The following NODAL variants were observed in gnomAD, a reference collection of about 807,000 sequenced individuals.
The protein encoded by NODAL is nodal growth differentiation factor, also known as nodal homolog.
A neutral mutation model predicts 34.0 loss-of-function variants in NODAL; 12 were observed. That is an observed-to-expected ratio of 0.35 (90% CI 0.23 to 0.57). NODAL has a LOEUF of 0.57. Ranked by LOEUF, NODAL falls within the 20% of genes least tolerant of loss-of-function variation. The pLI is 0.83. For missense variants in NODAL, 390 were observed against 444.2 expected (o/e 0.88, Z 1.10); for synonymous variants, 162 against 186.4 (o/e 0.87, Z 1.07).
chr10:70,441,761 G>A, upstream of NODAL: 2 of 1,353,282 alleles, frequency 1.5e-6, no homozygotes, highest in Non-Finnish European at 2.0e-6. Context: ...CTCTGGGGAA[G>A]CTTTAAGATC....
intron 1 of NODAL, among the ~76,000 whole-genome samples, chr10:70,440,500 T>C (rs1845413722): frequency 6.6e-6 from 1 of 151,960 alleles, no homozygotes; most frequent in Non-Finnish European, 1.5e-5. Context: ...GCAGGTCGGA[T>C]CAGATTAGCG....
chr10:70,436,119 T>C (rs1845350544), intron 1 of NODAL, 136 bp from the exon 2 acceptor site: 3 of 750,852 alleles, frequency 4.0e-6, no homozygotes, highest in Admixed American at 2.1e-5. Flanking sequence ...ACCCCAACTC[T>C]ATGAGTTGGT....
intron 2 of NODAL, 180 bp downstream of exon 2, chr10:70,435,106 C>T: frequency 1.6e-6 from 1 of 630,036 alleles, no homozygotes. Flanking sequence ...CATACAGGCT[C>T]TATAAGGATG....
chr10:70,440,633 C>CCGCAG (rs1845418289), intron 1 of NODAL, among the ~76,000 whole-genome samples: 1 of 152,202 alleles, frequency 6.6e-6, no homozygotes, highest in African/African-American at 2.4e-5. Context: ...GGCTCCCTCT[C>CCGCAG]CGCAGCACCC....
upstream of NODAL, among the ~76,000 whole-genome samples, chr10:70,443,872 C>T (rs993520024): frequency 3.3e-5 from 5 of 150,498 alleles, no homozygotes; most frequent in Non-Finnish European, 7.4e-5. Flanking sequence ...GTGAATGGCA[C>T]TATGTCTGAA....
chr10:70,447,131 T>G (rs564994999), intron 1 of NODAL, among the ~76,000 whole-genome samples: 6 of 148,320 alleles, frequency 4.0e-5, no homozygotes, highest in Non-Finnish European at 7.4e-5. Context: ...TGGGGTGCAG[T>G]GGCATGATCT....
chr10:70,442,833 C>T (rs28438617), upstream of NODAL, among the ~76,000 whole-genome samples: 918 of 152,232 alleles, frequency 6.0e-3, 11 homozygotes, highest in African/African-American at 0.021. Flanking sequence ...CCTGTAATTT[C>T]AGCACTTAGG....
At chr10:70,433,719 AT>A (rs1339232056) in intron 2 of NODAL, among the ~76,000 whole-genome samples, 1 of 152,168 alleles carries the variant, frequency 6.6e-6, no homozygotes, top group Non-Finnish European at 1.5e-5. Flanking sequence ...CCGGCTGTGA[AT>A]ACCAATTTTT....
chr10:70,441,729 G>A (rs1478339072), upstream of NODAL: 31 of 1,497,434 alleles, frequency 2.1e-5, no homozygotes, highest in Non-Finnish European at 2.7e-5. Context: ...CTCAGCAGCC[G>A]CCCCGCCCCC....
chr10:70,434,356 C>T (rs1157357244), intron 2 of NODAL, among the ~76,000 whole-genome samples: 2 of 152,122 alleles, frequency 1.3e-5, no homozygotes, highest in Non-Finnish European at 2.9e-5. Context: ...CAGCCTCTGG[C>T]TTTGTCTACT....
At position 70,432,557 on chromosome 10, in the gene NODAL, A is replaced by G. The variant is rs1190753731; in HGVS notation, c.*379T>C. ...ATACATGAAAGCTATAGGTGACTTC[A>G]TCCCACCTCCAAAATACATGCACAT... is the stretch of plus-strand genomic sequence containing the variant. On this transcript the variant is annotated 3_prime_UTR_variant, in exon 3 of 3. Coordinates refer to ENST00000287139, the MANE Select transcript of NODAL (RefSeq NM_018055.5). 2.9e-6 allele frequency: 1 copy of G among 344,000 alleles called. No homozygotes were observed. The highest frequency in any genetic ancestry group is 7.3e-5 in the East Asian group (1 of 13,630). The allele number at this position is 344,000 out of a possible 1,614,324, so 21.3% of individuals were successfully genotyped here.
chr10:70,437,476 C>G (rs964961781), intron 1 of NODAL, among the ~76,000 whole-genome samples: 1 of 152,192 alleles, frequency 6.6e-6, no homozygotes, highest in Non-Finnish European at 1.5e-5. Flanking sequence ...AATGAACTTT[C>G]TTCAAGCTCA....
At chr10:70,434,041 G>GT (rs1438789821) in intron 2 of NODAL, among the ~76,000 whole-genome samples, 1 of 152,120 alleles carries the variant, frequency 6.6e-6, no homozygotes, top group Non-Finnish European at 1.5e-5. Flanking sequence ...TACCCCCAGG[G>GT]ACTCCCTTGC....
At chr10:70,444,026 C>T (rs1250217115), upstream of NODAL, among the ~76,000 whole-genome samples, 1 of 150,614 alleles carries the variant, frequency 6.6e-6, no homozygotes, top group Non-Finnish European at 1.5e-5. Flanking sequence ...TCTGCCTCCC[C>T]GGTTCAAGCA....
upstream of NODAL, among the ~76,000 whole-genome samples, chr10:70,446,600 G>C (rs978252168): frequency 1.3e-5 from 2 of 152,210 alleles, no homozygotes; most frequent in South Asian, 2.1e-4. Context: ...GGCTGACTTA[G>C]AGCTAGATTC....
chr10:70,433,025 T>C lies in NODAL; in HGVS notation c.955A>G (p.Lys319Glu). The C allele has an allele frequency of 1.2e-6, 2 of 1,614,086 alleles. No homozygotes were observed. Among genetic ancestry groups the C allele is most frequent in the Non-Finnish European group, 1.7e-6 (2 of 1,180,018 alleles). Reference sequence around the variant, plus strand: ...TCCACATACAGCATGCTCAGCGGCTTGGTCTTCACTGGGGCACAACAAGTG... The same window carrying C: ...TCCACATACAGCATGCTCAGCGGCTCGGTCTTCACTGGGGCACAACAAGTG... ...PSTCCAPVKTKPLSMLYVDNG... is the reference protein window; with the variant it reads ...PSTCCAPVKTEPLSMLYVDNG... The change falls in exon 3 of 3, where the codon AAG becomes GAG. Residue 319 changes from lysine (K) to glutamate (E), a missense_variant. Transcript: ENST00000287139.
intron 1 of NODAL, among the ~76,000 whole-genome samples, chr10:70,438,985 CCCTGATGTCCT>C (rs999169472): frequency 7.9e-5 from 12 of 152,144 alleles, no homozygotes; most frequent in African/African-American, 2.9e-4. Flanking sequence ...ACACAGATGC[CCCTGATGTCCT>C]CCTGGCCCAC....
intron 1 of NODAL, among the ~76,000 whole-genome samples, chr10:70,440,616 C>A (rs1207211252): frequency 1.3e-5 from 2 of 152,172 alleles, no homozygotes; most frequent in African/African-American, 4.8e-5. Flanking sequence ...GATTGAGGCG[C>A]GGAAGGGGCT....
At chr10:70,434,445 C>T (rs2132213865) in intron 2 of NODAL, among the ~76,000 whole-genome samples, 1 of 152,346 alleles carries the variant, frequency 6.6e-6, no homozygotes, top group South Asian at 2.1e-4. Flanking sequence ...TCACTGCAAT[C>T]TCTGCCTCCC....
Sources: allele counts gnomAD v4.1 joint callset (sites outside exome capture counted in the v4.1 genomes callset), GRCh38; gene constraint gnomAD v4.1.1; transcripts MANE v1.5; gene names NCBI Gene and HGNC (gene_info 2026-07-23, HGNC 2026-07-21).